ATG13: variants seen among roughly 807,000 people sequenced by gnomAD.
The protein encoded by ATG13 is autophagy related 13, also known as autophagy-related protein 13.
In ATG13, 23 loss-of-function variants were observed where a neutral mutation model predicts 65.5. The ratio of observed to expected loss-of-function variants is 0.35; its 90% CI spans 0.25 to 0.50. The LOEUF is 0.50. Ranked by LOEUF, ATG13 falls within the 20% of genes least tolerant of loss-of-function variation. ATG13 has a pLI of 0.98. For missense variants in ATG13, 566 were observed against 677.0 expected (o/e 0.84, Z 1.82); for synonymous variants, 252 against 245.2 (o/e 1.03, Z -0.26).
chr11:46,636,103 G>T (rs1416650343), intron 2 of ATG13, among the ~76,000 whole-genome samples: 2 of 151,980 alleles, frequency 1.3e-5, no homozygotes, highest in African/African-American at 2.4e-5. Context: ...ATTCCAGTAG[G>T]TAAGTCATTT....
At chr11:46,663,143 G>A (rs2136963529) in intron 11 of ATG13, among the ~76,000 whole-genome samples, 1 of 151,794 alleles carries the variant, frequency 6.6e-6, no homozygotes, top group Middle Eastern at 3.4e-3. Flanking sequence ...GCGGGCACCT[G>A]TAGTCTCAGC....
chr11:46,628,776 A>G (rs1427769961), intron 1 of ATG13, among the ~76,000 whole-genome samples: 1 of 152,160 alleles, frequency 6.6e-6, no homozygotes, highest in African/African-American at 2.4e-5. Flanking sequence ...ATTGACATAA[A>G]TAAATTATAT....
intron 2 of ATG13, chr11:46,638,507 C>A (rs2054761662): frequency 6.6e-6 from 1 of 152,240 alleles, no homozygotes; most frequent in Admixed American, 6.5e-5. Flanking sequence ...AGTCATTCTG[C>A]TATGATATAG....
intron 7 of ATG13, among the ~76,000 whole-genome samples, chr11:46,650,900 G>A (rs891017801): frequency 6.6e-6 from 1 of 152,108 alleles, no homozygotes; most frequent in Non-Finnish European, 1.5e-5. Context: ...CACGGCACCC[G>A]GCCTGGAAGT....
intron 1 of ATG13, among the ~76,000 whole-genome samples, chr11:46,625,617 G>A (rs1368616904): frequency 2.6e-5 from 4 of 152,232 alleles, no homozygotes; most frequent in East Asian, 1.9e-4. Flanking sequence ...TGGTTCAGAG[G>A]TTATATACCA....
intron 2 of ATG13, among the ~76,000 whole-genome samples, chr11:46,635,892 T>C (rs376019694): frequency 6.6e-6 from 1 of 152,200 alleles, no homozygotes; most frequent in African/African-American, 2.4e-5. Flanking sequence ...ATCCAATTCT[T>C]ACCTTTAGTG....
chr11:46,642,737 C>T (rs916323350), intron 2 of ATG13, among the ~76,000 whole-genome samples: 2 of 152,162 alleles, frequency 1.3e-5, no homozygotes, highest in Non-Finnish European at 2.9e-5. Context: ...GCATTATGCC[C>T]GTAAAGCTAT....
At chr11:46,650,986 C>A (rs1565534090) in intron 7 of ATG13, among the ~76,000 whole-genome samples, 1 of 152,178 alleles carries the variant, frequency 6.6e-6, no homozygotes, top group African/African-American at 2.4e-5. Context: ...AAAACTTTGT[C>A]TAACAAACTG....
In ATG13 at chr11:46,674,375, G is replaced by C. The variant is rs555248905; in HGVS notation, c.*2043G>C. On this transcript the variant is annotated 3_prime_UTR_variant, in exon 19 of 19. Transcript: ENST00000683050. ...AGACTGACTCCTGCAGCACCCCCGG[G>C]ACAGGCTGGGACCAGCTGTTTGTCT... 6.6e-6 allele frequency: 1 copy of C among 152,316 alleles called. No homozygotes were observed. The highest frequency in any genetic ancestry group is 1.9e-4 in the East Asian group (1 of 5,180). 9.4% of individuals were successfully genotyped at this position (152,316 alleles called of 1,614,324 possible). A position where few individuals can be genotyped will look rare whatever the true frequency, so the allele number is the denominator to read the frequency against.
intron 4 of ATG13, 49 bp downstream of exon 4, chr11:46,645,468 G>T (rs754181248): frequency 3.7e-5 from 56 of 1,521,626 alleles, no homozygotes; most frequent in Non-Finnish European, 4.9e-5. Flanking sequence ...TTTGTCACAA[G>T]GAATGTGTAA....
intron 10 of ATG13, 35 bp from the exon 11 acceptor site, chr11:46,659,357 C>T (rs778699511): frequency 6.5e-7 from 1 of 1,537,446 alleles, no homozygotes; most frequent in South Asian, 1.1e-5. Flanking sequence ...ACTGCCACCA[C>T]CATAAAATTC....
rs374790345 is a variant in ATG13, at chr11:46,669,504, T to G, written c.1547T>G (p.Ile516Ser). ...PPQLSSLSID[I>S]GAQSMAEDLD... Reference sequence around the variant, plus strand: ...CAGCTGAGCAGCCTCTCCATAGATATTGGAGCACAGTCCATGGCTGAAGAC... The same window carrying G: ...CAGCTGAGCAGCCTCTCCATAGATAGTGGAGCACAGTCCATGGCTGAAGAC... The change falls in exon 18 of 19, where the codon ATT becomes AGT. Residue 516 changes from isoleucine to serine, a missense_variant. By Grantham distance (142) the Ile-to-Ser change is moderately radical. Around this residue, in one of 2 missense-constraint regions of ATG13, gnomAD observed 387 missense variants for 409.8 expected, o/e 0.94. Coordinates refer to ENST00000683050, the MANE Select transcript of ATG13 (RefSeq NM_001346311.2). The G allele has an allele frequency of 6.2e-7, 1 of 1,614,088 alleles. No homozygotes were observed. Among genetic ancestry groups the G allele is most frequent in the Non-Finnish European group, 8.5e-7 (1 of 1,179,968 alleles).
chr11:46,649,131 C>G lies in ATG13; in HGVS notation c.271-6C>G. On this transcript the variant is annotated splice_region_variant and splice_polypyrimidine_tract_variant and intron_variant, in intron 5 of 18. Transcript: ENST00000683050. ...AACAAATATTTTAAATTTGTCCTTTCTACAGGGAGATTCCATGGAGCTGGA... is the reference window on the plus strand; with the variant it reads ...AACAAATATTTTAAATTTGTCCTTTGTACAGGGAGATTCCATGGAGCTGGA... The G allele has an allele frequency of 6.2e-7, 1 of 1,610,926 alleles. No homozygotes were observed. The highest frequency in any genetic ancestry group is 8.5e-7 in the Non-Finnish European group (1 of 1,178,344).
chr11:46,645,831 C>T, intron 4 of ATG13, 39 bp from the exon 5 acceptor site: 2 of 1,612,982 alleles, frequency 1.2e-6, no homozygotes, highest in Non-Finnish European at 1.7e-6. Flanking sequence ...CATAATGTTC[C>T]TGTGAGTGTT....
At chr11:46,649,792 C>G (rs750105682) in intron 6 of ATG13, among the ~76,000 whole-genome samples, 3 of 152,114 alleles carry the variant, frequency 2.0e-5, no homozygotes, top group Non-Finnish European at 2.9e-5. Flanking sequence ...CAGGTTATGA[C>G]CCAAAATTTT....
intron 7 of ATG13, among the ~76,000 whole-genome samples, chr11:46,650,900 G>C (rs891017801): frequency 6.6e-6 from 1 of 152,108 alleles, no homozygotes; most frequent in Admixed American, 6.6e-5. Flanking sequence ...CACGGCACCC[G>C]GCCTGGAAGT....
chr11:46,657,400 G>A (rs1475446765), intron 9 of ATG13, 124 bp from the exon 10 acceptor site: 18 of 1,041,748 alleles, frequency 1.7e-5, no homozygotes, highest in Admixed American at 6.0e-5. Flanking sequence ...TATATTTAGG[G>A]ATTGTGATAG....
At chr11:46,621,855 C>T (rs1202272029) in intron 1 of ATG13, among the ~76,000 whole-genome samples, 3 of 151,932 alleles carry the variant, frequency 2.0e-5, no homozygotes, top group Non-Finnish European at 4.4e-5. Context: ...CCCTCACAGG[C>T]CTCGGTTCCC....
intron 1 of ATG13, among the ~76,000 whole-genome samples, chr11:46,625,846 A>G (rs1481976426): frequency 6.6e-6 from 1 of 152,230 alleles, no homozygotes; most frequent in Non-Finnish European, 1.5e-5. Context: ...TTTAAGCTTT[A>G]CTGTATGCTT....
Sources: gnomAD v4.1 joint callset for allele counts (sites outside exome capture counted in the v4.1 genomes callset) on GRCh38, gnomAD v4.1.1 for gene constraint, gnomAD v4.1.1 regional missense constraint, MANE v1.5 for transcripts, NCBI Gene and HGNC (gene_info 2026-07-23, HGNC 2026-07-21) for gene names.